Variants in SCN1A observed in about 807,000 individuals in gnomAD.
SCN1A encodes sodium voltage-gated channel alpha subunit 1.
A neutral mutation model predicts 193.7 loss-of-function variants in SCN1A; 13 were observed. The ratio of observed to expected loss-of-function variants is 0.07; its 90% CI spans 0.04 to 0.11. The LOEUF (loss-of-function observed/expected upper bound fraction) is 0.11, where lower values mean the gene tolerates loss of function less well. SCN1A is among the 10% of genes least tolerant of loss of function. SCN1A has a pLI of 1.00. For synonymous variants in SCN1A, 781 were observed against 843.6 expected, an observed-to-expected ratio of 0.93 and a Z score of 1.29; for missense variants, 1,432 against 2,451.1, an observed-to-expected ratio of 0.58 and a Z score of 8.78.
intron 19 of SCN1A, among the ~76,000 whole-genome samples, chr2:166,022,373 C>T (rs1694185103): frequency 6.7e-6 from 1 of 149,628 alleles, no homozygotes; most frequent in Non-Finnish European, 1.5e-5. Context: ...GTCACCAACA[C>T]CACTAGTAAC....
rs920095402 is a variant in SCN1A, at chr2:166,029,370, G to T, written c.3429+6678C>A. On this transcript the variant is annotated intron_variant, in intron 19 of 28. Coordinates refer to ENST00000674923, the MANE Select transcript of SCN1A (RefSeq NM_001165963.4). ...GATGGAGGTCTGACACTGGGTAAAG[G>T]CCTTGGGAATGCAGAGAGGTGGACA... Among the ~76,000 whole-genome samples the T allele has an allele frequency of 3.9e-5, 6 of 152,074 alleles. No individual in the cohort carries two copies. The South Asian group carries it at 8.3e-4, about 21-fold the overall frequency.
At chr2:166,023,658 T>C (rs1352912546) in intron 19 of SCN1A, among the ~76,000 whole-genome samples, 2 of 151,998 alleles carry the variant, frequency 1.3e-5, no homozygotes, top group African/African-American at 2.4e-5. Flanking sequence ...AGAGTGGGTA[T>C]GGCTGCTGGG....
At chr2:166,092,146 GC>G (rs112775220) in intron 2 of SCN1A, among the ~76,000 whole-genome samples, 4 of 152,114 alleles carry the variant, frequency 2.6e-5, no homozygotes, top group African/African-American at 9.6e-5. Context: ...ATGGCATATT[GC>G]TTTCTGTTTA....
At chr2:166,051,564 T>A (rs912996639) in intron 9 of SCN1A, among the ~76,000 whole-genome samples, 155 bp downstream of exon 9, 4 of 152,020 alleles carry the variant, frequency 2.6e-5, no homozygotes, top group African/African-American at 9.7e-5. Flanking sequence ...GGTGTTTCTA[T>A]ATATGGGGTA....
intron 4 of SCN1A, among the ~76,000 whole-genome samples, chr2:166,064,223 A>C (rs1230956823): frequency 1.2e-4 from 18 of 152,236 alleles, no homozygotes; most frequent in Admixed American, 7.2e-4. Context: ...AGGTTTCTTA[A>C]CTTTCTGTGA....
chr2:166,001,743 G>T (rs1690878443), intron 24 of SCN1A, among the ~76,000 whole-genome samples: 1 of 151,474 alleles, frequency 6.6e-6, no homozygotes, highest in African/African-American at 2.4e-5. Flanking sequence ...CCCAGTCTTA[G>T]AGACCCAGTA....
At chr2:165,997,555 A>T (rs145675910) in intron 26 of SCN1A, among the ~76,000 whole-genome samples, 5 of 151,414 alleles carry the variant, frequency 3.3e-5, no homozygotes, top group African/African-American at 1.2e-4. Flanking sequence ...AATATCTTGG[A>T]GAAAGAAATG....
At chr2:166,023,801 G>T (rs966497374) in intron 19 of SCN1A, among the ~76,000 whole-genome samples, 2 of 151,356 alleles carry the variant, frequency 1.3e-5, no homozygotes, top group African/African-American at 4.9e-5. Flanking sequence ...TTGATACGGA[G>T]TTTCGCTCTT....
chr2:166,114,444 C>T (rs1004430561), intron 2 of SCN1A, among the ~76,000 whole-genome samples: 3 of 152,068 alleles, frequency 2.0e-5, no homozygotes, highest in African/African-American at 7.2e-5. Flanking sequence ...AGAGAACAAG[C>T]CCAGTGCAAG....
At chr2:166,119,977 T>C (rs935374239) in intron 2 of SCN1A, among the ~76,000 whole-genome samples, 2 of 151,992 alleles carry the variant, frequency 1.3e-5, no homozygotes, top group Non-Finnish European at 2.9e-5. Context: ...CCAAATTGTT[T>C]GGTAAGAAAC....
chr2:166,009,618 ATTTGCCATTCCT>A (rs1353157184), intron 23 of SCN1A, 89 bp downstream of exon 23: 1 of 1,195,026 alleles, frequency 8.4e-7, no homozygotes, highest in African/African-American at 1.6e-5. Flanking sequence ...TTTTGCAAGA[ATTTGCCATTCCT>A]TTTGCATGCA....
intron 19 of SCN1A, among the ~76,000 whole-genome samples, chr2:166,017,224 T>C (rs775929875): frequency 2.0e-5 from 3 of 151,842 alleles, no homozygotes; most frequent in Non-Finnish European, 4.4e-5. Context: ...GCTCAGAAGC[T>C]GAAAAGTTGA....
intron 24 of SCN1A, 39 bp from the exon 25 acceptor site, chr2:165,999,815 A>G (rs1250981515): frequency 6.0e-6 from 8 of 1,340,762 alleles, no homozygotes; most frequent in Non-Finnish European, 7.5e-6. Flanking sequence ...TTGGAGTAAA[A>G]ATAATTTAGA....
At chr2:166,083,902 T>A (rs1188628070) in intron 2 of SCN1A, among the ~76,000 whole-genome samples, 2 of 152,156 alleles carry the variant, frequency 1.3e-5, no homozygotes, top group Admixed American at 1.3e-4. Flanking sequence ...AAATAAGTAA[T>A]CTTATTGTGT....
intron 2 of SCN1A, among the ~76,000 whole-genome samples, chr2:166,123,978 AG>A (rs1452358892): frequency 6.6e-6 from 1 of 152,146 alleles, no homozygotes; most frequent in Non-Finnish European, 1.5e-5. Context: ...TGGCCTCATT[AG>A]ATTTCTGCTT....
chr2:166,027,019 C>G (rs990142685), intron 19 of SCN1A: 1 of 152,120 alleles, frequency 6.6e-6, no homozygotes, highest in Admixed American at 6.5e-5. Context: ...TCTAAATAGG[C>G]TAGTTTATTT....
upstream of SCN1A, among the ~76,000 whole-genome samples, chr2:166,130,500 T>C (rs1691614544): frequency 1.3e-5 from 2 of 152,196 alleles, no homozygotes; most frequent in African/African-American, 4.8e-5. Context: ...CATCTACACA[T>C]AGCAAATTCG....
intron 2 of SCN1A, among the ~76,000 whole-genome samples, chr2:166,082,669 G>A (rs1450752875): frequency 2.6e-5 from 4 of 151,840 alleles, no homozygotes; most frequent in Admixed American, 6.6e-5. Context: ...TTTTACTTCC[G>A]TTATGTTTTA....
At chr2:166,112,591 G>A (rs1689413671) in intron 2 of SCN1A, among the ~76,000 whole-genome samples, 1 of 152,140 alleles carries the variant, frequency 6.6e-6, no homozygotes, top group African/African-American at 2.4e-5. Flanking sequence ...CTGGCACAGA[G>A]CTCCTATAAC....
Sources: allele counts gnomAD v4.1 joint callset (sites outside exome capture counted in the v4.1 genomes callset), GRCh38; gene constraint gnomAD v4.1.1; transcripts MANE v1.5; gene names NCBI Gene and HGNC (gene_info 2026-07-23, HGNC 2026-07-21).